Variants in IGF1R observed in about 807,000 individuals in gnomAD.
IGF1R encodes the protein insulin-like growth factor 1 receptor.
A neutral mutation model predicts 144.6 loss-of-function variants in IGF1R; 44 were observed. That is an observed-to-expected ratio of 0.30 (90% CI 0.24 to 0.39). The LOEUF is 0.39. Ranked by LOEUF, IGF1R falls within the 10% of genes least tolerant of loss-of-function variation. IGF1R has a pLI of 1.00. For missense variants in IGF1R, 1,355 were observed against 1,833.7 expected, an observed-to-expected ratio of 0.74 and a Z score of 4.77; for synonymous variants, 795 against 722.8, an observed-to-expected ratio of 1.10 and a Z score of -1.60.
At chr15:98,684,068 G>C (rs2053259775) in intron 1 of IGF1R, among the ~76,000 whole-genome samples, 1 of 152,120 alleles carries the variant, frequency 6.6e-6, no homozygotes, top group Non-Finnish European at 1.5e-5. Flanking sequence ...CCCTCAGCCA[G>C]TTGTTAAATC....
intron 2 of IGF1R, among the ~76,000 whole-genome samples, chr15:98,712,357 G>A (rs551860470): frequency 6.6e-6 from 1 of 152,028 alleles, no homozygotes; most frequent in Admixed American, 6.5e-5. Context: ...CCTCACTTTT[G>A]CCTATTTTTT....
chr15:98,871,729 T>C (rs2012796277), intron 2 of IGF1R, among the ~76,000 whole-genome samples: 1 of 152,180 alleles, frequency 6.6e-6, no homozygotes, highest in South Asian at 2.1e-4. Context: ...TTGTGAGACA[T>C]ATTAACTAAT....
chr15:98,860,996 T>C (rs2012117881), intron 2 of IGF1R, among the ~76,000 whole-genome samples: 1 of 152,216 alleles, frequency 6.6e-6, no homozygotes, highest in African/African-American at 2.4e-5. Flanking sequence ...GATAAATTTA[T>C]TCCTTTGCAT....
intron 1 of IGF1R, among the ~76,000 whole-genome samples, chr15:98,692,825 G>A (rs2053508594): frequency 6.6e-6 from 1 of 152,168 alleles, no homozygotes; most frequent in Admixed American, 6.5e-5. Context: ...CTGCTTGATG[G>A]TATGGGGACA....
At chr15:98,762,615 T>C (rs936837572) in intron 2 of IGF1R, among the ~76,000 whole-genome samples, 1 of 145,208 alleles carries the variant, frequency 6.9e-6, no homozygotes, top group African/African-American at 2.6e-5. Context: ...GTAATCCCAG[T>C]TACTCGGGAG....
intron 2 of IGF1R, among the ~76,000 whole-genome samples, chr15:98,885,087 G>A (rs2013573172): frequency 6.6e-6 from 1 of 152,104 alleles, no homozygotes; most frequent in Non-Finnish European, 1.5e-5. Context: ...TCCAGCTTTG[G>A]CCTGGAAGTC....
At chr15:98,904,336 G>A (rs1008663414) in intron 5 of IGF1R, among the ~76,000 whole-genome samples, 1 of 152,088 alleles carries the variant, frequency 6.6e-6, no homozygotes, top group East Asian at 1.9e-4. Flanking sequence ...ACAGGTGTGA[G>A]CCACCGTGCC....
intron 2 of IGF1R, among the ~76,000 whole-genome samples, chr15:98,782,991 G>A: frequency 6.6e-6 from 1 of 152,228 alleles, no homozygotes; most frequent in East Asian, 1.9e-4. Context: ...CACACAGGCT[G>A]AATATGTTCT....
At chr15:98,749,653 A>G (rs2141330844) in intron 2 of IGF1R, among the ~76,000 whole-genome samples, 1 of 152,342 alleles carries the variant, frequency 6.6e-6, no homozygotes, top group South Asian at 2.1e-4. Flanking sequence ...ATGAGCTGAC[A>G]TTGTAATGAC....
At chr15:98,786,283 G>A (rs2055993598) in intron 2 of IGF1R, among the ~76,000 whole-genome samples, 1 of 152,206 alleles carries the variant, frequency 6.6e-6, no homozygotes, top group Non-Finnish European at 1.5e-5. Context: ...TACATACAGT[G>A]TGGTTTCCTT....
chr15:98,825,540 G>A (rs1346599472), intron 2 of IGF1R, among the ~76,000 whole-genome samples: 4 of 152,170 alleles, frequency 2.6e-5, no homozygotes, highest in Non-Finnish European at 4.4e-5. Context: ...TCTCATAGGA[G>A]TGAGAACCCT....
intron 2 of IGF1R, among the ~76,000 whole-genome samples, chr15:98,768,761 T>C (rs1483427990): frequency 6.0e-4 from 2 of 3,306 alleles, no homozygotes; most frequent in African/African-American, 1.1e-3. Flanking sequence ...CTACTAAAAA[T>C]ACAAAAAAAA....
In IGF1R at chr15:98,934,894, G is replaced by C. The variant is rs914374129; in HGVS notation, c.3027G>C (p.Ser1009=). ...TGAGCCGGGAACTTGGGCAGGGGTC[G>C]TTTGGGATGGTCTATGAAGGAGTTG... ...ITMSRELGQG[S]FGMVYEGVAK... Residue 1009 remains serine (S), a synonymous_variant, in exon 16 of 21, where the codon TCG becomes TCC. Transcript: ENST00000650285. 3 of 1,614,168 alleles carry C rather than the reference G, an allele frequency of 1.9e-6. No individual in the cohort carries two copies. Among genetic ancestry groups the C allele is most frequent in the Non-Finnish European group, 2.5e-6 (3 of 1,180,036 alleles).
At chr15:98,946,762 G>A (rs921789197) in intron 19 of IGF1R, among the ~76,000 whole-genome samples, 1 of 152,186 alleles carries the variant, frequency 6.6e-6, no homozygotes, top group Non-Finnish European at 1.5e-5. Context: ...GTTGGGCCGG[G>A]AGGGCCAGGG....
At chr15:98,789,877 G>T (rs1404990979) in intron 2 of IGF1R, among the ~76,000 whole-genome samples, 1 of 151,782 alleles carries the variant, frequency 6.6e-6, no homozygotes, top group African/African-American at 2.4e-5. Flanking sequence ...CGGGTTGCTG[G>T]AGCTCAGAGA....
At chr15:98,848,639 T>C (rs2011426479) in intron 2 of IGF1R, among the ~76,000 whole-genome samples, 1 of 152,174 alleles carries the variant, frequency 6.6e-6, no homozygotes, top group East Asian at 1.9e-4. Flanking sequence ...ACTTACTCAT[T>C]TGTGAATGCC....
chr15:98,917,092 G>C (rs2015287701), intron 10 of IGF1R: 1 of 626,320 alleles, frequency 1.6e-6, no homozygotes, highest in African/African-American at 1.8e-5. Context: ...TTGGGTTGCT[G>C]GGGCCACCGG....
At chr15:98,863,274 G>A (rs1474482754) in intron 2 of IGF1R, among the ~76,000 whole-genome samples, 1 of 152,092 alleles carries the variant, frequency 6.6e-6, no homozygotes, top group South Asian at 2.1e-4. Flanking sequence ...CAGGAGATGC[G>A]TGATGTTTCC....
chr15:98,896,311 C>G (rs2014195082), intron 3 of IGF1R, among the ~76,000 whole-genome samples: 1 of 152,202 alleles, frequency 6.6e-6, no homozygotes, highest in African/African-American at 2.4e-5. Flanking sequence ...AGACACTGCA[C>G]TCCCTTTGCT....
Sources: allele counts gnomAD v4.1 joint callset (sites outside exome capture counted in the v4.1 genomes callset), GRCh38; gene constraint gnomAD v4.1.1; transcripts MANE v1.5; gene names NCBI Gene and HGNC (gene_info 2026-07-23, HGNC 2026-07-21).